APOB: variants seen among roughly 807,000 people sequenced by gnomAD.
The protein encoded by APOB is apolipoprotein B, also known as apolipoprotein B-100.
In APOB, 153 loss-of-function variants were observed where a neutral mutation model predicts 314.1. The ratio of observed to expected loss-of-function variants is 0.49; its 90% confidence interval spans 0.43 to 0.56. The LOEUF is 0.56. Ranked by LOEUF, APOB falls within the 20% of genes least tolerant of loss-of-function variation. The pLI, the probability that APOB is intolerant of heterozygous loss-of-function variation, is 0.00. For missense variants in APOB, 5,430 were observed against 5,350.7 expected, an observed-to-expected ratio of 1.01 and a Z score of -0.46; for synonymous variants, 2,087 against 2,036.4, an observed-to-expected ratio of 1.02 and a Z score of -0.67.
chr2:21,043,600 G>A (rs767103346), intron 1 of APOB, 49 bp from the exon 2 acceptor site: 3 of 1,571,898 alleles, frequency 1.9e-6, no homozygotes, highest in Admixed American at 1.9e-5. Flanking sequence ...TCTTCCCAGC[G>A]GGTGCTAGGG....
At position 21,009,324 on chromosome 2, in the gene APOB, G is replaced by A; in HGVS notation, c.7544C>T (p.Thr2515Ile). 1 of 1,614,026 alleles carries A rather than the reference G, an allele frequency of 6.2e-7. No homozygotes were observed. ...LAHMKAKFRE[T>I]LEDTRDRMYQ... is the part of the protein sequence containing the mutation. ...CATTCGGTCTCGTGTATCTTCTAGGGTCTCTCGGAATTTGGCCTTCATGTG... is the reference window on the plus strand; with the variant it reads ...CATTCGGTCTCGTGTATCTTCTAGGATCTCTCGGAATTTGGCCTTCATGTG... Residue 2515 changes from threonine to isoleucine, a missense_variant, in exon 26 of 29, where the codon ACC becomes ATC. This residue lies in a region of APOB where 3,281 missense variants were observed against 3,171.0 expected (regional missense o/e 1.03). Coordinates refer to ENST00000233242, the MANE Select transcript of APOB (RefSeq NM_000384.3).
chr2:21,007,429 G>C lies in APOB; in HGVS notation c.9439C>G (p.Leu3147Val), dbSNP rs1663175222. The change falls in exon 26 of 29, where the codon CTG (leucine) becomes GTG (valine). Residue 3147 changes from leucine to valine, a missense_variant. Transcript: ENST00000233242. ...TTTTCCCATAGAGAGAAATCTTTCA[G>C]TGGAGGAGTTGTGATTATTGTGTAA... is the stretch of plus-strand genomic sequence containing the variant. The part of the protein sequence containing the change: ...LPYTIITTPP[L>V]KDFSLWEKTG... The C allele has an allele frequency of 6.2e-7, 1 of 1,614,034 alleles. No individual in the cohort carries two copies. The highest frequency in any genetic ancestry group is 1.1e-5 in the South Asian group (1 of 91,082).
In APOB at chr2:21,011,801, G is replaced by A. The variant is rs1663328960; in HGVS notation, c.5067C>T (p.Arg1689=). 3 of 1,614,118 alleles carry A rather than the reference G, an allele frequency of 1.9e-6. No homozygotes were observed. Among genetic ancestry groups the A allele is most frequent in the Non-Finnish European group, 2.5e-6 (3 of 1,180,018 alleles). ...GASMKLTTNG[R]FREHNAKFSL... is the part of the protein sequence containing the mutation. Reference sequence around the variant, plus strand: ...TGAATTTTGCATTGTGTTCCCTGAAGCGGCCATTTGTTGTTAATTTCATAG... The same window carrying A: ...TGAATTTTGCATTGTGTTCCCTGAAACGGCCATTTGTTGTTAATTTCATAG... Residue 1689 remains arginine, a synonymous_variant, in exon 26 of 29, where the codon CGC becomes CGT. Coordinates refer to ENST00000233242, the MANE Select transcript of APOB (RefSeq NM_000384.3).
At position 21,007,673 on chromosome 2, in the gene APOB, T is replaced by A. The variant is rs749791220; in HGVS notation, c.9195A>T (p.Thr3065=). ...AGTTATTCAGGAAGTCTATCTTCCC[T>A]GTTAACCTTAATGGAAAACGAACTT... ...NLKVRFPLRL[T]GKIDFLNNYA... Residue 3065 remains threonine (T), a synonymous_variant, in exon 26 of 29, where the codon ACA becomes ACT. Coordinates refer to ENST00000233242, the MANE Select transcript of APOB (RefSeq NM_000384.3). 1 of 1,614,146 alleles carries A rather than the reference T, an allele frequency of 6.2e-7. No homozygotes were observed. The highest frequency in any genetic ancestry group is 8.5e-7 in the Non-Finnish European group (1 of 1,179,960).
At position 21,006,521 on chromosome 2, in the gene APOB, C is replaced by G; in HGVS notation, c.10347G>C (p.Lys3449Asn). Residue 3449 changes from lysine to asparagine, a missense_variant, in exon 26 of 29, where the codon AAG becomes AAC. Physicochemically the swap from Lys to Asn is moderately conservative, Grantham distance 94. This residue lies in a region of APOB where 3,281 missense variants were observed against 3,171.0 expected (regional missense o/e 1.03). Coordinates refer to ENST00000233242, the MANE Select transcript of APOB (RefSeq NM_000384.3). ...NFKQELNGNT[K>N]SKPTVSSSME... ...TGGAGGAAGAGACAGTAGGTTTTGA[C>G]TTGGTATTTCCATTAAGTTCTTGCT... 2 of 1,614,114 alleles carry G rather than the reference C, an allele frequency of 1.2e-6. No homozygotes were observed. The highest frequency in any genetic ancestry group is 1.3e-5 in the African/African-American group (1 of 75,038).
Position 21,043,552 on chromosome 2 carries a change from C to T in APOB, c.83-1G>A, listed in dbSNP as rs776873157. ...CTGACATTTTCCAGCATTTCCTCTT[C>T]TGTAAGACAGGAGAAAGAAATCTGT... On this transcript the variant is annotated splice_acceptor_variant, in intron 1 of 28. Transcript: ENST00000233242. LOFTEE classifies it high-confidence loss of function. The T allele has an allele frequency of 6.2e-7, 1 of 1,602,000 alleles. No homozygotes were observed. Among genetic ancestry groups the T allele is most frequent in the Admixed American group, 1.7e-5 (1 of 58,306 alleles).
At position 21,002,739 on chromosome 2, in the gene APOB, AGTACC is replaced by A. The variant is rs1663023744; in HGVS notation, c.12678_12682del (p.Leu4228ProfsTer8). ...ATGGACTTTCGAATATACCTGGGAC[AGTACC>A]GTCCCTACCTCCCTTATGAACATAG... On this transcript the variant is annotated frameshift_variant, in exon 29 of 29. Transcript: ENST00000233242. LOFTEE classifies it low-confidence loss of function (END_TRUNC). 1.2e-6 allele frequency: 2 copies of A among 1,611,440 alleles called. No individual in the cohort carries two copies.
At chr2:21,025,189 A>C in intron 15 of APOB, 65 bp from the exon 16 acceptor site, 1 of 1,504,176 alleles carries the variant, frequency 6.6e-7, no homozygotes. Context: ...TCAGTTCCCA[A>C]TGTGGGACCT....
intron 2 of APOB, among the ~76,000 whole-genome samples, 192 bp downstream of exon 2, chr2:21,043,321 G>A (rs1664179722): frequency 6.6e-6 from 1 of 151,942 alleles, no homozygotes; most frequent in Admixed American, 6.6e-5. Context: ...GGACAGAACA[G>A]AAGGCCAGGT....
rs1663776041 is a variant in APOB, at chr2:21,027,924, C to T, written c.1971G>A (p.Gly657=). ...AGTTATTTGGATCAAATATAAGATT[C>T]CCTTCTATTTTGGCTGAGGCTGGGT... The part of the protein sequence containing the change: ...SLDPASAKIE[G]NLIFDPNNYL... Residue 657 remains glycine (G), a synonymous_variant, in exon 14 of 29, where the codon GGG becomes GGA. Coordinates refer to ENST00000233242, the MANE Select transcript of APOB (RefSeq NM_000384.3). 2.5e-6 allele frequency: 4 copies of T among 1,613,942 alleles called. No individual in the cohort carries two copies. The highest frequency in any genetic ancestry group is 2.5e-6 in the Non-Finnish European group (3 of 1,179,836).
rs925889004 is a variant in APOB at position 21,037,046 on chromosome 2, T to G, written c.693+54A>C. The G allele has an allele frequency of 5.0e-6, 8 of 1,610,696 alleles. No homozygotes were observed. In the Admixed American group the frequency reaches 1.3e-4, roughly 27 times the overall value. On this transcript the variant is annotated intron_variant, in intron 6 of 28. Coordinates refer to ENST00000233242, the MANE Select transcript of APOB (RefSeq NM_000384.3). Reference sequence around the variant, plus strand: ...CACTAGCTCAAAAGTTCTGGAATTGTATTAATAAGAGGATGCTCCTTGCTG... The same window carrying G: ...CACTAGCTCAAAAGTTCTGGAATTGGATTAATAAGAGGATGCTCCTTGCTG...
chr2:21,005,940 G>A lies in APOB; in HGVS notation c.10928C>T (p.Ser3643Phe), dbSNP rs1663124304. The A allele has an allele frequency of 6.2e-7, 1 of 1,613,774 alleles. No homozygotes were observed. Among genetic ancestry groups the A allele is most frequent in the African/African-American group, 1.3e-5 (1 of 74,894 alleles). The change falls in exon 26 of 29, where the codon TCT (serine) becomes TTT (phenylalanine). Residue 3643 changes from serine to phenylalanine, a missense_variant. Physicochemically the swap from Ser to Phe is radical, Grantham distance 155. This residue lies in a region of APOB where 3,281 missense variants were observed against 3,171.0 expected (regional missense o/e 1.03). Coordinates refer to ENST00000233242, the MANE Select transcript of APOB (RefSeq NM_000384.3). ...WKNEVRIHSGSFQSQVELSND... is the reference protein window; with the variant it reads ...WKNEVRIHSGFFQSQVELSND... ...GGAAAGCTCGACCTGGCTCTGGAAA[G>A]ACCCAGAATGAATCCGGACTTCATT... is the stretch of plus-strand genomic sequence containing the variant.
At position 21,033,447 on chromosome 2, in the gene APOB, A is replaced by C. The variant is rs1435587105; in HGVS notation, c.976T>G (p.Leu326Val). 7 of 1,614,174 alleles carry C rather than the reference A, an allele frequency of 4.3e-6. No individual in the cohort carries two copies. In the Admixed American group the frequency reaches 1.2e-4, roughly 27 times the overall value. ...TTTTTCAGTTCCTGGAGAGTCTTCA[A>C]AACAGCTTCGGCCTGCTTTGGAGGT... ...TSPPKQAEAVLKTLQELKKLT... is the reference protein window; with the variant it reads ...TSPPKQAEAVVKTLQELKKLT... The change falls in exon 9 of 29, where the codon TTG becomes GTG. Residue 326 changes from leucine (L) to valine (V), a missense_variant. By Grantham distance (32) the Leu-to-Val change is conservative. Transcript: ENST00000233242.
chr2:21,027,964 G>T lies in APOB; in HGVS notation c.1931C>A (p.Ser644Tyr), dbSNP rs147173587. ...TGAGGCTGGGTCAAGTGATGGAAGAGAAACAGATTTGTAGAGTTGATAGTT... is the reference window on the plus strand; with the variant it reads ...TGAGGCTGGGTCAAGTGATGGAAGATAAACAGATTTGTAGAGTTGATAGTT... Reference protein sequence around the residue: ...SRNYQLYKSVSLPSLDPASAK... With the variant: ...SRNYQLYKSVYLPSLDPASAK... Residue 644 changes from serine to tyrosine, a missense_variant, in exon 14 of 29, where the codon TCT becomes TAT. Around this residue, in one of 3 missense-constraint regions of APOB, gnomAD observed 2,085 missense variants for 2,079.7 expected, o/e 1.00. Coordinates refer to ENST00000233242, the MANE Select transcript of APOB (RefSeq NM_000384.3). 1 of 1,613,992 alleles carries T rather than the reference G, an allele frequency of 6.2e-7. No homozygotes were observed. The highest frequency in any genetic ancestry group is 8.5e-7 in the Non-Finnish European group (1 of 1,179,834).
At position 21,038,135 on chromosome 2, in the gene APOB, C is replaced by T. The variant is rs72653058; in HGVS notation, c.384-24G>A. ...ACCTGTCCCAGAGAGAGGATGGTCA[C>T]GGAAATGTCCTTCTCCATTACAACT... On this transcript the variant is annotated intron_variant, in intron 4 of 28. Coordinates refer to ENST00000233242, the MANE Select transcript of APOB (RefSeq NM_000384.3). The T allele has an allele frequency of 4.2e-5, 67 of 1,613,074 alleles. No homozygotes were observed. The Admixed American group carries it at 5.8e-4, about 14-fold the overall frequency.
At chr2:21,030,731 G>A (rs1663856793) in intron 10 of APOB, among the ~76,000 whole-genome samples, 1 of 151,886 alleles carries the variant, frequency 6.6e-6, no homozygotes, top group African/African-American at 2.4e-5. Context: ...GAATGTACAA[G>A]CAATTCAAAC....
In APOB at chr2:21,006,555, AT is replaced by A; in HGVS notation, c.10312del (p.Met3438Ter). Reference sequence around the variant, plus strand: ...TCCATTAAGTTCTTGCTTGAAATTCATTCTCAAAATTGGAATTTGGGCTTTT... The same window carrying A: ...TCCATTAAGTTCTTGCTTGAAATTCATCTCAAAATTGGAATTTGGGCTTTT... ...TTKAQIPILR[M>X]NFKQELNGNT... On this transcript the variant is annotated frameshift_variant, in exon 26 of 29. Coordinates refer to ENST00000233242, the MANE Select transcript of APOB (RefSeq NM_000384.3). LOFTEE classifies it high-confidence loss of function. The A allele has an allele frequency of 4.3e-6, 7 of 1,614,084 alleles. No individual in the cohort carries two copies. Among genetic ancestry groups the A allele is most frequent in the Non-Finnish European group, 5.9e-6 (7 of 1,179,956 alleles).
chr2:21,021,436 C>T (rs1009215873), intron 18 of APOB, among the ~76,000 whole-genome samples: 1 of 152,216 alleles, frequency 6.6e-6, no homozygotes, highest in African/African-American at 2.4e-5. Context: ...TCTCACCCAT[C>T]TTCCACACTA....
rs1288805272 is a variant in APOB, at chr2:21,023,756, C to T, written c.2437-64G>A. 7 of 1,408,510 alleles carry T rather than the reference C, an allele frequency of 5.0e-6. No individual in the cohort carries two copies. The East Asian group carries it at 1.6e-4, about 33-fold the overall frequency. 87.3% of individuals were successfully genotyped at this position (1,408,510 alleles called of 1,614,324 possible). A position where few individuals can be genotyped will look rare whatever the true frequency, so the allele number is the denominator to read the frequency against. On this transcript the variant is annotated intron_variant, in intron 16 of 28. Transcript: ENST00000233242. ...TTTTTAAAGTCGGTTTTGTTAATTA[C>T]AACCTCCCATACATTGGAGAGTAAT...
Sources: gnomAD v4.1 joint callset for allele counts (sites outside exome capture counted in the v4.1 genomes callset) on GRCh38, gnomAD v4.1.1 for gene constraint, gnomAD v4.1.1 regional missense constraint, MANE v1.5 for transcripts, NCBI Gene and HGNC (gene_info 2026-07-23, HGNC 2026-07-21) for gene names.